PRPF39: variants seen among roughly 807,000 people sequenced by gnomAD.
The protein encoded by PRPF39 is pre-mRNA-processing factor 39.
PRPF39 carries 27 observed loss-of-function variants against 82.1 expected under a neutral mutation model. The observed-to-expected ratio is 0.33, with a 90% CI of 0.24 to 0.45. The LOEUF (loss-of-function observed/expected upper bound fraction) is 0.45. Ranked by LOEUF, PRPF39 falls within the 20% of genes least tolerant of loss-of-function variation. The pLI, the probability that PRPF39 is intolerant of heterozygous loss-of-function variation, is 1.00. For synonymous variants in PRPF39, 261 were observed against 256.4 expected, an observed-to-expected ratio of 1.02 and a Z score of -0.17; for missense variants, 581 against 796.9, an observed-to-expected ratio of 0.73 and a Z score of 3.26.
chr14:45,103,523 T>C (rs1469632035), intron 5 of PRPF39, among the ~76,000 whole-genome samples: 2 of 152,160 alleles, frequency 1.3e-5, no homozygotes, highest in Non-Finnish European at 2.9e-5. Context: ...TTCTAAATTT[T>C]TTTTTTAGTA....
At chr14:45,111,122 G>A (rs1884684044) in intron 10 of PRPF39, among the ~76,000 whole-genome samples, 1 of 152,194 alleles carries the variant, frequency 6.6e-6, no homozygotes, top group South Asian at 2.1e-4. Flanking sequence ...GGACTTGGGA[G>A]AATACTTCAT....
chr14:45,104,835 T>C (rs1884478170), intron 5 of PRPF39, among the ~76,000 whole-genome samples: 2 of 152,196 alleles, frequency 1.3e-5, no homozygotes, highest in Admixed American at 6.5e-5. Context: ...AGTGTTGTTT[T>C]ATATCTTTAT....
At position 45,110,950 on chromosome 14, in the gene PRPF39, C is replaced by T; in HGVS notation, c.1572+133C>T. The stretch of plus-strand genomic sequence containing the variant: ...TATTACTAAATGAGGACAACAGTCC[C>T]TCTAAACTGATGTTGCCATTTAAAA... On this transcript the variant is annotated intron_variant, in intron 10 of 13. Coordinates refer to ENST00000355765, the MANE Select transcript of PRPF39 (RefSeq NM_017922.4). The surrounding 1 kb of genome is among the most constrained non-coding windows in gnomAD (Gnocchi z 4.0). 1.1e-6 allele frequency: 1 copy of T among 890,874 alleles called. No individual in the cohort carries two copies. The highest frequency in any genetic ancestry group is 1.6e-6 in the Non-Finnish European group (1 of 606,738). 55.2% of individuals were successfully genotyped at this position (890,874 alleles called of 1,614,324 possible). A position where few individuals can be genotyped will look rare whatever the true frequency, so the allele number is the denominator to read the frequency against.
Position 45,108,421 on chromosome 14 carries a change from A to G in PRPF39, c.910A>G (p.Thr304Ala). The G allele has an allele frequency of 6.3e-7, 1 of 1,575,210 alleles. No individual in the cohort carries two copies. Among genetic ancestry groups the G allele is most frequent in the Non-Finnish European group, 8.6e-7 (1 of 1,168,002 alleles). Residue 304 changes from threonine (T) to alanine (A), a missense_variant, in exon 7 of 14, where the codon ACA becomes GCA. Transcript: ENST00000355765. ...EDITDPAKLI[T>A]EIENMRHRII... The stretch of plus-strand genomic sequence containing the variant: ...TTCCCTTTTTCTTCCCAAGCTAATT[A>G]CAGAAATAGAAAACATGAGACATAG...
In PRPF39 at chr14:45,108,441, A is replaced by G. The variant is rs1481914152; in HGVS notation, c.930A>G (p.Arg310=). 2 of 1,594,190 alleles carry G rather than the reference A, an allele frequency of 1.3e-6. No homozygotes were observed. The highest frequency in any genetic ancestry group is 1.9e-5 in the Admixed American group (1 of 53,650). ...TAATTACAGAAATAGAAAACATGAGACATAGAATCATTGAGATTCATCAAG... is the reference window on the plus strand; with the variant it reads ...TAATTACAGAAATAGAAAACATGAGGCATAGAATCATTGAGATTCATCAAG... ...AKLITEIENM[R]HRIIEIHQEM... is the part of the protein sequence containing the mutation. Residue 310 remains arginine (R), a synonymous_variant, in exon 7 of 14, where the codon AGA becomes AGG. Transcript: ENST00000355765.
chr14:45,095,217 A>T lies in PRPF39; in HGVS notation c.-19-4A>T, dbSNP rs1463755507. 6.6e-7 allele frequency: 1 copy of T among 1,519,220 alleles called. No homozygotes were observed. Among genetic ancestry groups the T allele is most frequent in the South Asian group, 1.2e-5 (1 of 82,664 alleles). The allele number at this position is 1,519,220 out of a possible 1,614,324, so 94.1% of individuals were successfully genotyped here. A position where few individuals can be genotyped will look rare whatever the true frequency, so the allele number is the denominator to read the frequency against. ...ATATTTCTCTTTTTTTCGTGTTTCCACAGATCGTTAACTGAAGACAATATG... is the reference window on the plus strand; with the variant it reads ...ATATTTCTCTTTTTTTCGTGTTTCCTCAGATCGTTAACTGAAGACAATATG... On this transcript the variant is annotated splice_region_variant and splice_polypyrimidine_tract_variant and intron_variant, in intron 1 of 13. Transcript: ENST00000355765.
chr14:45,105,687 G>A (rs1385255760), intron 5 of PRPF39, among the ~76,000 whole-genome samples: 4 of 151,562 alleles, frequency 2.6e-5, no homozygotes, highest in Admixed American at 6.6e-5. Context: ...CCCCGACACG[G>A]AGCTAATTTT....
chr14:45,087,662 C>T (rs1353108854), intron 1 of PRPF39, among the ~76,000 whole-genome samples: 2 of 151,868 alleles, frequency 1.3e-5, no homozygotes, highest in Admixed American at 1.3e-4. Flanking sequence ...CAACCTCCGC[C>T]TCCTGGGTTC....
rs1228449277 is a variant in PRPF39, at chr14:45,114,568, A to ATTT, written c.1908_1910dup (p.Asp636_Leu637insPhe). On this transcript the variant is annotated inframe_insertion, in exon 13 of 14. Transcript: ENST00000355765. ...TCATCTACACAGATGATTGATGGTGATTTACAGGCAAACCAAGCTGTATAT... is the reference window on the plus strand; with the variant it reads ...TCATCTACACAGATGATTGATGGTGATTTTTTACAGGCAAACCAAGCTGTATAT... 2 of 1,609,084 alleles carry ATTT rather than the reference A, an allele frequency of 1.2e-6. No individual in the cohort carries two copies. The highest frequency in any genetic ancestry group is 4.5e-5 in the East Asian group (2 of 44,742).
chr14:45,093,482 C>T (rs1333007799), intron 1 of PRPF39, among the ~76,000 whole-genome samples: 2 of 152,012 alleles, frequency 1.3e-5, no homozygotes, highest in Non-Finnish European at 2.9e-5. Context: ...CCTCGGCCTC[C>T]CAAAGTGCTG....
intron 1 of PRPF39, among the ~76,000 whole-genome samples, chr14:45,086,104 T>G (rs1198172114): frequency 6.6e-6 from 1 of 152,044 alleles, no homozygotes; most frequent in Admixed American, 6.6e-5. Context: ...CCACCACGCC[T>G]AATTTTTTGT....
chr14:45,092,600 C>CAAAAAAAAAAAAAAAAA (rs775755309), intron 1 of PRPF39, among the ~76,000 whole-genome samples: 1 of 51,486 alleles, frequency 1.9e-5, no homozygotes, highest in Non-Finnish European at 4.4e-5. Flanking sequence ...GACTCTGTCT[C>CAAAAAAAAAAAAAAAAA]AAAAAAAAAA....
At position 45,096,234 on chromosome 14, in the gene PRPF39, T is replaced by TACA; in HGVS notation, c.450+7_450+9dup. 2 of 1,585,752 alleles carry TACA rather than the reference T, an allele frequency of 1.3e-6. No individual in the cohort carries two copies. The highest frequency in any genetic ancestry group is 1.7e-6 in the Non-Finnish European group (2 of 1,165,812). On this transcript the variant is annotated splice_region_variant and intron_variant, in intron 3 of 13. Transcript: ENST00000355765. ...ACATTAAACCATCAGATGAGGTGCGTACATCACTGAATAAACTTATCTCCA... is the reference window on the plus strand; with the variant it reads ...ACATTAAACCATCAGATGAGGTGCGTACAACATCACTGAATAAACTTATCTCCA...
At chr14:45,097,370 A>G (rs1325367626) in intron 4 of PRPF39, among the ~76,000 whole-genome samples, 1 of 151,942 alleles carries the variant, frequency 6.6e-6, no homozygotes, top group Non-Finnish European at 1.5e-5. Flanking sequence ...AAAGTATTTT[A>G]TAATACTTTA....
intron 4 of PRPF39, among the ~76,000 whole-genome samples, chr14:45,099,732 C>T (rs1050049737): frequency 7.2e-5 from 11 of 152,198 alleles, no homozygotes; most frequent in Non-Finnish European, 1.3e-4. Context: ...GCGTGAGCCA[C>T]CACGCCCGGC....
chr14:45,113,271 AT>A (rs1884745796), intron 11 of PRPF39, among the ~76,000 whole-genome samples: 1 of 152,186 alleles, frequency 6.6e-6, no homozygotes, highest in Non-Finnish European at 1.5e-5. Context: ...GCTAATGTTT[AT>A]ATTAGTGTAT....
intron 1 of PRPF39, among the ~76,000 whole-genome samples, chr14:45,089,840 A>G (rs544088352): frequency 2.3e-4 from 35 of 152,362 alleles, no homozygotes; most frequent in African/African-American, 7.9e-4. Flanking sequence ...TAACTCATTA[A>G]AAAATAACTT....
rs1884161769 is a variant in PRPF39 at position 45,095,271 on chromosome 14, A to G, written c.32A>G (p.Asn11Ser). Residue 11 changes from asparagine to serine, a missense_variant, in exon 2 of 14, where the codon AAT becomes AGT. Transcript: ENST00000355765. MQNSHMDEYR[N>S]SSNGSTGNSS... is the part of the protein sequence containing the mutation. ...AATTCTCACATGGATGAATACAGAA[A>G]TTCTAGTAATGGCAGCACAGGCAAC... 2 of 1,603,454 alleles carry G rather than the reference A, an allele frequency of 1.2e-6. No homozygotes were observed. The highest frequency in any genetic ancestry group is 1.7e-6 in the Non-Finnish European group (2 of 1,171,958).
At chr14:45,092,844 T>G (rs1417892894) in intron 1 of PRPF39, among the ~76,000 whole-genome samples, 1 of 152,100 alleles carries the variant, frequency 6.6e-6, no homozygotes, top group East Asian at 1.9e-4. Flanking sequence ...GGAGCCAGAT[T>G]TGCAAATTTC....
Sources: allele counts gnomAD v4.1 joint callset (sites outside exome capture counted in the v4.1 genomes callset), GRCh38; gene constraint gnomAD v4.1.1; non-coding constraint Gnocchi (gnomAD v3.1); transcripts MANE v1.5; gene names NCBI Gene and HGNC (gene_info 2026-07-23, HGNC 2026-07-21).